The following DPY19L4 variants were observed in gnomAD, a reference collection of about 807,000 sequenced individuals.
The protein encoded by DPY19L4 is probable C-mannosyltransferase DPY19L4.
In DPY19L4, 97 loss-of-function variants were observed where a neutral mutation model predicts 102.8. The observed-to-expected ratio is 0.94, with a 90% CI of 0.80 to 1.12. DPY19L4 has a LOEUF of 1.12. Ranked by LOEUF, DPY19L4 falls within the 50% of genes most tolerant of loss-of-function variation. The pLI, the probability that DPY19L4 is intolerant of heterozygous loss-of-function variation, is 0.00. For missense variants in DPY19L4, 815 were observed against 850.4 expected (o/e 0.96, Z 0.52); for synonymous variants, 252 against 283.1 (o/e 0.89, Z 1.10).
rs1812405483 is a variant in DPY19L4 at position 94,761,816 on chromosome 8, AG to A, written c.853del (p.Val285TrpfsTer37). The A allele has an allele frequency of 6.2e-7, 1 of 1,606,278 alleles. No homozygotes were observed. Among genetic ancestry groups the A allele is most frequent in the East Asian group, 2.2e-5 (1 of 44,650 alleles). ...ISLFLLDTFS[V>X]EQSDKVYEVY... ...CTCTATTCCTGCTAGATACCTTTTCAGTGGAGCAAAGTGACAAGGTATTATG... is the reference window on the plus strand; with the variant it reads ...CTCTATTCCTGCTAGATACCTTTTCATGGAGCAAAGTGACAAGGTATTATG... On this transcript the variant is annotated frameshift_variant, in exon 8 of 19. Transcript: ENST00000414645. LOFTEE classifies it high-confidence loss of function.
intron 8 of DPY19L4, among the ~76,000 whole-genome samples, chr8:94,763,194 G>A (rs943205025): frequency 4.0e-5 from 6 of 149,012 alleles, no homozygotes; most frequent in South Asian, 4.2e-4. Context: ...TGATCTGCCC[G>A]CCTCAGCCTC....
chr8:94,781,583 G>C lies in DPY19L4; in HGVS notation c.1715+417G>C, dbSNP rs1228776778. On this transcript the variant is annotated intron_variant, in intron 16 of 18. Coordinates refer to ENST00000414645, the MANE Select transcript of DPY19L4 (RefSeq NM_181787.3). ...GTGGTCTTAGGCCTATGGAAGCAGG[G>C]AATTGGAATTGAGAACCCCCCAACA... Among the ~76,000 whole-genome samples, 4 of 152,138 alleles carry C rather than the reference G, an allele frequency of 2.6e-5. No homozygotes were observed. In the East Asian group the frequency reaches 5.8e-4, roughly 22 times the overall value.
In DPY19L4 at chr8:94,792,231, A is replaced by T. The variant is rs1044373405; in HGVS notation, c.*2321A>T. The stretch of plus-strand genomic sequence containing the variant: ...CAAGTGCCTTGAATTTATTATTATT[A>T]TTATTTTTTATTTTTTTGAGATGGA... On this transcript the variant is annotated 3_prime_UTR_variant, in exon 19 of 19. Coordinates refer to ENST00000414645, the MANE Select transcript of DPY19L4 (RefSeq NM_181787.3). 60 of 151,850 alleles carry T rather than the reference A, an allele frequency of 4.0e-4. No homozygotes were observed. Among genetic ancestry groups the T allele is most frequent in the Middle Eastern group, 3.4e-3 (1 of 294 alleles). 9.4% of individuals were successfully genotyped at this position (151,850 alleles called of 1,614,324 possible).
chr8:94,770,386 C>T, intron 12 of DPY19L4, 66 bp from the exon 13 acceptor site: 1 of 1,463,246 alleles, frequency 6.8e-7, no homozygotes, highest in South Asian at 1.4e-5. Flanking sequence ...AGATGATAAA[C>T]AATGTATCTT....
At chr8:94,762,491 T>C (rs75902756) in intron 8 of DPY19L4, among the ~76,000 whole-genome samples, 6,398 of 152,126 alleles carry the variant, frequency 0.042, 158 homozygotes, top group African/African-American at 0.054. Flanking sequence ...AGCAGAAATG[T>C]AGATTGCAGA....
intron 17 of DPY19L4, among the ~76,000 whole-genome samples, chr8:94,787,590 G>C (rs939479381): frequency 6.6e-6 from 1 of 152,114 alleles, no homozygotes; most frequent in South Asian, 2.1e-4. Flanking sequence ...GATATCAAGA[G>C]TTGATCCAAT....
At chr8:94,736,403 C>A (rs904138503) in intron 3 of DPY19L4, among the ~76,000 whole-genome samples, 8 of 152,128 alleles carry the variant, frequency 5.3e-5, no homozygotes, top group Non-Finnish European at 7.4e-5. Flanking sequence ...AAAAGTCTTA[C>A]AATAAAGCTG....
intron 7 of DPY19L4, among the ~76,000 whole-genome samples, chr8:94,756,541 G>C (rs1449152224): frequency 1.3e-5 from 2 of 152,184 alleles, no homozygotes; most frequent in Non-Finnish European, 2.9e-5. Flanking sequence ...CAAATGACAG[G>C]AGTGTTAACT....
intron 13 of DPY19L4, among the ~76,000 whole-genome samples, chr8:94,772,718 T>C (rs1812987243): frequency 6.6e-6 from 1 of 152,222 alleles, no homozygotes; most frequent in Admixed American, 6.5e-5. Flanking sequence ...TGACACCACA[T>C]GCTCCAAGGC....
intron 1 of DPY19L4, among the ~76,000 whole-genome samples, chr8:94,725,561 T>C (rs1053893240): frequency 2.0e-5 from 3 of 152,220 alleles, no homozygotes; most frequent in Non-Finnish European, 1.5e-5. Flanking sequence ...ATGCTAATGA[T>C]AACACAGCAC....
intron 2 of DPY19L4, among the ~76,000 whole-genome samples, chr8:94,733,548 T>C (rs2130803617): frequency 6.6e-6 from 1 of 151,972 alleles, no homozygotes; most frequent in East Asian, 1.9e-4. Context: ...TTTTGTATTT[T>C]ATTATTTTTT....
At chr8:94,788,643 G>A (rs1342213640) in intron 18 of DPY19L4, among the ~76,000 whole-genome samples, 6 of 97,334 alleles carry the variant, frequency 6.2e-5, no homozygotes, top group Non-Finnish European at 1.0e-4. Flanking sequence ...ACTGACGCAC[G>A]CGCGCGCGCA....
chr8:94,781,285 G>T, intron 16 of DPY19L4, 119 bp downstream of exon 16: 1 of 896,894 alleles, frequency 1.1e-6, no homozygotes, highest in Non-Finnish European at 1.6e-6. Context: ...TAAAACTCAG[G>T]CGTTTTAGGG....
At chr8:94,789,723 T>C (rs1473216203) in intron 18 of DPY19L4, 23 bp from the exon 19 acceptor site, 3 of 1,552,166 alleles carry the variant, frequency 1.9e-6, no homozygotes, top group Non-Finnish European at 2.6e-6. Flanking sequence ...CTTTTTAATA[T>C]TATGTTTTAT....
At chr8:94,781,275 T>C in intron 16 of DPY19L4, 109 bp downstream of exon 16, 1 of 1,031,420 alleles carries the variant, frequency 9.7e-7, no homozygotes, top group Non-Finnish European at 1.3e-6. Context: ...AATTTTTTCA[T>C]AAAACTCAGG....
At chr8:94,788,184 A>C (rs1018687509) in intron 18 of DPY19L4, 132 bp downstream of exon 18, 10 of 416,154 alleles carry the variant, frequency 2.4e-5, no homozygotes, top group Non-Finnish European at 3.2e-5. Context: ...TTATGTAATA[A>C]TGGGGAAAGC....
Position 94,783,700 on chromosome 8 carries a change from A to G in DPY19L4, c.1746A>G (p.Ala582=), listed in dbSNP as rs1468178111. Residue 582 remains alanine (A), a synonymous_variant, in exon 17 of 19, where the codon GCA becomes GCG. Transcript: ENST00000414645. Reference sequence around the variant, plus strand: ...AAGCTCCAGTTGCAGCTGTGTTTGCAGGGAGTCCACAGTTAATGGGTGCGA... The same window carrying G: ...AAGCTCCAGTTGCAGCTGTGTTTGCGGGGAGTCCACAGTTAATGGGTGCGA... ...KRQAPVAAVF[A]GSPQLMGAIK... is the part of the protein sequence containing the mutation. 15 of 1,614,102 alleles carry G rather than the reference A, an allele frequency of 9.3e-6. 1 individual carries two copies. In the South Asian group the frequency reaches 1.6e-4, roughly 18 times the overall value.
chr8:94,733,271 C>T (rs1188928382), intron 2 of DPY19L4, among the ~76,000 whole-genome samples: 2 of 151,584 alleles, frequency 1.3e-5, no homozygotes, highest in Non-Finnish European at 2.9e-5. Context: ...ACTACAGGCA[C>T]CTGCCACCAT....
At chr8:94,753,008 C>CA (rs753977641) in intron 6 of DPY19L4, among the ~76,000 whole-genome samples, 6,576 of 116,892 alleles carry the variant, frequency 0.056, 282 homozygotes, top group African/African-American at 0.13. Context: ...GTATCTTCTG[C>CA]AAAAAAAAAA....
Sources: allele counts gnomAD v4.1 joint callset (sites outside exome capture counted in the v4.1 genomes callset), GRCh38; gene constraint gnomAD v4.1.1; transcripts MANE v1.5; gene names NCBI Gene and HGNC (gene_info 2026-07-23, HGNC 2026-07-21).